The following FNDC3A variants were observed in gnomAD, a reference collection of about 807,000 sequenced individuals.
FNDC3A encodes the protein fibronectin type III domain containing 3A, also known as fibronectin type-III domain-containing protein 3A.
In FNDC3A, 32 loss-of-function variants were observed where a neutral mutation model predicts 148.9. The ratio of observed to expected loss-of-function variants is 0.21; its 90% CI spans 0.16 to 0.29. The LOEUF (loss-of-function observed/expected upper bound fraction) is 0.29, where lower values mean the gene tolerates loss of function less well. Ranked by LOEUF, FNDC3A falls within the 10% of genes least tolerant of loss-of-function variation. The pLI is 1.00. For missense variants in FNDC3A, 1,191 were observed against 1,452.8 expected, an observed-to-expected ratio of 0.82 and a Z score of 2.93; for synonymous variants, 472 against 473.6, an observed-to-expected ratio of 1.00 and a Z score of 0.04.
chr13:49,028,154 G>T (rs1447203911), intron 2 of FNDC3A, among the ~76,000 whole-genome samples: 2 of 152,002 alleles, frequency 1.3e-5, no homozygotes, highest in Admixed American at 6.5e-5. Context: ...GGCAGAGGTT[G>T]CAGTGTGCTG....
chr13:49,141,079 G>A (rs1376981473), intron 7 of FNDC3A, among the ~76,000 whole-genome samples: 1 of 152,156 alleles, frequency 6.6e-6, no homozygotes, highest in Admixed American at 6.5e-5. Flanking sequence ...CAGTGTATAG[G>A]GGAGAATGTG....
intron 10 of FNDC3A, among the ~76,000 whole-genome samples, chr13:49,170,863 AAG>A (rs745595074): frequency 2.0e-5 from 3 of 152,196 alleles, no homozygotes; most frequent in Admixed American, 6.5e-5. Context: ...TCACTGGAAA[AAG>A]AGAAAAATTA....
At chr13:49,146,017 T>C in intron 8 of FNDC3A, 82 bp downstream of exon 8, 1 of 1,029,248 alleles carries the variant, frequency 9.7e-7, no homozygotes, top group Non-Finnish European at 1.4e-6. Flanking sequence ...TTTGCTCTAC[T>C]TTTCCTTCTT....
chr13:49,190,079 G>C (rs1041956290), intron 17 of FNDC3A, among the ~76,000 whole-genome samples: 1 of 151,960 alleles, frequency 6.6e-6, no homozygotes, highest in African/African-American at 2.4e-5. Flanking sequence ...GTAGAGACTG[G>C]GTTTCACCAT....
chr13:49,073,584 G>A (rs1341367979), intron 2 of FNDC3A, among the ~76,000 whole-genome samples: 1 of 151,180 alleles, frequency 6.6e-6, no homozygotes, highest in African/African-American at 2.4e-5. Flanking sequence ...CATGCTGTGT[G>A]TATAAGGTAT....
At chr13:49,015,467 T>G (rs1952476615) in intron 2 of FNDC3A, among the ~76,000 whole-genome samples, 1 of 152,246 alleles carries the variant, frequency 6.6e-6, no homozygotes. Context: ...GAGACTTTGC[T>G]GAAGTTGCTT....
In FNDC3A at chr13:49,207,445, T is replaced by A; in HGVS notation, c.*50T>A. 1 of 1,154,486 alleles carries A rather than the reference T, an allele frequency of 8.7e-7. No homozygotes were observed. The highest frequency in any genetic ancestry group is 1.2e-6 in the Non-Finnish European group (1 of 813,984). 71.5% of individuals were successfully genotyped at this position (1,154,486 alleles called of 1,614,324 possible). A position where few individuals can be genotyped will look rare whatever the true frequency, so the allele number is the denominator to read the frequency against. On this transcript the variant is annotated 3_prime_UTR_variant, in exon 26 of 26. Transcript: ENST00000492622. Reference sequence around the variant, plus strand: ...TATTACATTTTATTTTGTCATGTACTAAAATTATTTCTGTATTGCTTTTAT... The same window carrying A: ...TATTACATTTTATTTTGTCATGTACAAAAATTATTTCTGTATTGCTTTTAT...
intron 2 of FNDC3A, among the ~76,000 whole-genome samples, chr13:49,020,062 G>T (rs956156848): frequency 2.6e-5 from 4 of 152,080 alleles, no homozygotes; most frequent in Non-Finnish European, 5.9e-5. Flanking sequence ...GTGTATATTT[G>T]TTATGTAAGT....
intron 3 of FNDC3A, among the ~76,000 whole-genome samples, chr13:49,109,019 A>T (rs916968705): frequency 1.3e-5 from 2 of 152,140 alleles, no homozygotes; most frequent in Non-Finnish European, 2.9e-5. Context: ...ACACTTTTTG[A>T]AAAGTATAGC....
At chr13:49,037,270 A>G (rs569324722) in intron 2 of FNDC3A, among the ~76,000 whole-genome samples, 1 of 152,340 alleles carries the variant, frequency 6.6e-6, no homozygotes, top group Non-Finnish European at 1.5e-5. Flanking sequence ...CACTTATTAT[A>G]TGTTAACTCA....
chr13:49,030,953 C>A (rs888482456), intron 2 of FNDC3A, among the ~76,000 whole-genome samples: 3 of 152,166 alleles, frequency 2.0e-5, no homozygotes, highest in Non-Finnish European at 4.4e-5. Context: ...CAATACGTTG[C>A]CTCCCAAATT....
rs528673237 is a variant in FNDC3A at position 48,993,721 on chromosome 13, A to T, written c.-39-12431A>T. 5.3e-4 allele frequency among the ~76,000 whole-genome samples: 81 copies of T among 152,298 alleles called. 1 individual carries two copies. The highest frequency in any genetic ancestry group is 5.0e-3 in the Admixed American group (77 of 15,296). ...ATCGCTAGAGGAATACATGCAATTA[A>T]ATCCTGTCAATTTTAGAACCTAGGT... On this transcript the variant is annotated intron_variant, in intron 1 of 25. Coordinates refer to ENST00000492622, the MANE Select transcript of FNDC3A (RefSeq NM_001079673.2).
At position 49,178,614 on chromosome 13, in the gene FNDC3A, C is replaced by T. The variant is rs775421968; in HGVS notation, c.1577C>T (p.Thr526Ile). The T allele has an allele frequency of 6.3e-7, 1 of 1,584,884 alleles. No individual in the cohort carries two copies. Among genetic ancestry groups the T allele is most frequent in the South Asian group, 1.2e-5 (1 of 86,132 alleles). Residue 526 changes from threonine to isoleucine, a missense_variant, in exon 14 of 26, where the codon ACA (threonine) becomes ATA (isoleucine). Coordinates refer to ENST00000492622, the MANE Select transcript of FNDC3A (RefSeq NM_001079673.2). ...TATGATGGAGAAGATCTTGCTTACA[C>T]AGTGAAAAATCTCAGACGTAGTACT... ...PKYDGEDLAYTVKNLRRSTKY... is the reference protein window; with the variant it reads ...PKYDGEDLAYIVKNLRRSTKY...
At chr13:49,148,818 T>G (rs770594338) in intron 8 of FNDC3A, among the ~76,000 whole-genome samples, 48 of 152,198 alleles carry the variant, frequency 3.2e-4, no homozygotes, top group Admixed American at 2.0e-4. Context: ...ATGGTATTAA[T>G]TTTTTGAATA....
At chr13:49,040,946 GTTC>G (rs1284310861) in intron 2 of FNDC3A, among the ~76,000 whole-genome samples, 2 of 152,090 alleles carry the variant, frequency 1.3e-5, no homozygotes, top group Admixed American at 6.6e-5. Flanking sequence ...ATAATTTGTA[GTTC>G]TTCTTTCACT....
intron 2 of FNDC3A, among the ~76,000 whole-genome samples, chr13:49,021,022 A>G (rs1237095910): frequency 6.6e-6 from 1 of 152,256 alleles, no homozygotes; most frequent in Non-Finnish European, 1.5e-5. Context: ...AGCCATAGGA[A>G]TTAATGAGTT....
chr13:49,060,568 C>T (rs775754037), intron 2 of FNDC3A, among the ~76,000 whole-genome samples: 17 of 150,580 alleles, frequency 1.1e-4, no homozygotes, highest in Non-Finnish European at 1.9e-4. Flanking sequence ...CGCTTGAACC[C>T]AGGAGGCGGA....
intron 2 of FNDC3A, among the ~76,000 whole-genome samples, chr13:49,038,456 G>A (rs1340278055): frequency 6.6e-6 from 1 of 151,816 alleles, no homozygotes; most frequent in African/African-American, 2.4e-5. Flanking sequence ...GACACATACA[G>A]AGGGAAGACA....
intron 2 of FNDC3A, among the ~76,000 whole-genome samples, chr13:49,043,119 C>A (rs1314237436): frequency 3.3e-5 from 5 of 149,654 alleles, no homozygotes; most frequent in Non-Finnish European, 5.9e-5. Flanking sequence ...CCACACCCAG[C>A]CAGTTTTTTT....
Sources: allele counts gnomAD v4.1 joint callset (sites outside exome capture counted in the v4.1 genomes callset), GRCh38; gene constraint gnomAD v4.1.1; transcripts MANE v1.5; gene names NCBI Gene and HGNC (gene_info 2026-07-23, HGNC 2026-07-21).